THADA: variants seen among roughly 807,000 people sequenced by gnomAD.
THADA encodes the protein tRNA (32-2'-O)-methyltransferase regulator THADA.
In THADA, 213 loss-of-function variants were observed where a neutral mutation model predicts 219.8. The ratio of observed to expected loss-of-function variants is 0.97; its 90% confidence interval spans 0.87 to 1.09. The LOEUF (loss-of-function observed/expected upper bound fraction) is 1.09. Ranked by LOEUF, THADA falls within the 50% of genes least tolerant of loss-of-function variation. The pLI is 0.00. For missense variants in THADA, 2,956 were observed against 2,311.3 expected, an observed-to-expected ratio of 1.28 and a Z score of -5.72; for synonymous variants, 1,018 against 828.9, an observed-to-expected ratio of 1.23 and a Z score of -3.92.
intron 22 of THADA, among the ~76,000 whole-genome samples, chr2:43,525,790 C>T (rs374777136): frequency 2.0e-4 from 30 of 152,316 alleles, no homozygotes; most frequent in African/African-American, 6.3e-4. Context: ...TCTAAGCATA[C>T]ATCATGTGAG....
At chr2:43,295,615 T>G (rs187842917) in intron 31 of THADA, among the ~76,000 whole-genome samples, 41 of 152,360 alleles carry the variant, frequency 2.7e-4, no homozygotes, top group Non-Finnish European at 4.9e-4. Flanking sequence ...TACGCATTTA[T>G]AGCTAATAAA....
chr2:43,408,192 A>G (rs1210518735), intron 28 of THADA: 1 of 152,256 alleles, frequency 6.6e-6, no homozygotes, highest in Admixed American at 6.5e-5. Context: ...AGAACCCCAC[A>G]GCAGACTGCG....
chr2:43,542,818 C>A (rs925642360), intron 20 of THADA, among the ~76,000 whole-genome samples: 1 of 152,148 alleles, frequency 6.6e-6, no homozygotes, highest in Non-Finnish European at 1.5e-5. Flanking sequence ...AGCTTGTTCG[C>A]TGCACAACAG....
At chr2:43,546,210 T>G (rs1696011075) in intron 20 of THADA, among the ~76,000 whole-genome samples, 2 of 152,080 alleles carry the variant, frequency 1.3e-5, no homozygotes, top group Non-Finnish European at 2.9e-5. Flanking sequence ...TGAGTTCTAG[T>G]TTGATTGCAC....
intron 29 of THADA, among the ~76,000 whole-genome samples, chr2:43,355,197 G>C (rs1223996567): frequency 6.6e-6 from 1 of 152,172 alleles, no homozygotes; most frequent in Non-Finnish European, 1.5e-5. Context: ...TAATAAACAA[G>C]AGAGTGCAAA....
In THADA at chr2:43,321,953, C is replaced by T. The variant is rs189065649; in HGVS notation, c.4344-1413G>A. Among the ~76,000 whole-genome samples the T allele has an allele frequency of 1.7e-4, 26 of 152,314 alleles. No homozygotes were observed. In the East Asian group the frequency reaches 3.1e-3, roughly 18 times the overall value. Reference sequence around the variant, plus strand: ...CTCATTTCCTATAAACTAAGTTTTACAATTTCCTTAAAGTTTATTCACACC... The same window carrying T: ...CTCATTTCCTATAAACTAAGTTTTATAATTTCCTTAAAGTTTATTCACACC... On this transcript the variant is annotated intron_variant, in intron 30 of 37. Coordinates refer to ENST00000405975, the MANE Select transcript of THADA (RefSeq NM_022065.5).
chr2:43,310,677 G>A (rs1677402586), intron 31 of THADA, among the ~76,000 whole-genome samples: 1 of 152,086 alleles, frequency 6.6e-6, no homozygotes, highest in Non-Finnish European at 1.5e-5. Flanking sequence ...CTTTGGATTA[G>A]GCAATTATTT....
At chr2:43,444,635 C>T (rs1458939028) in intron 26 of THADA, among the ~76,000 whole-genome samples, 2 of 152,004 alleles carry the variant, frequency 1.3e-5, no homozygotes, top group Non-Finnish European at 2.9e-5. Flanking sequence ...TGAAAAGTTG[C>T]AATGCCAGAA....
At chr2:43,349,568 C>T (rs1668021323) in intron 29 of THADA, among the ~76,000 whole-genome samples, 1 of 152,114 alleles carries the variant, frequency 6.6e-6, no homozygotes. Context: ...ATGGGTTTTC[C>T]TCTTCACCAA....
intron 31 of THADA, among the ~76,000 whole-genome samples, chr2:43,312,576 C>T (rs1235023106): frequency 2.0e-5 from 3 of 152,158 alleles, no homozygotes; most frequent in African/African-American, 7.2e-5. Context: ...ATTATTCTGA[C>T]TTCTGAAAGA....
chr2:43,337,511 G>T (rs534731990), intron 30 of THADA, among the ~76,000 whole-genome samples: 31 of 152,280 alleles, frequency 2.0e-4, no homozygotes, highest in South Asian at 4.1e-4. Context: ...TTCCTCAACT[G>T]AATTTTTTAT....
At chr2:43,494,007 A>G (rs1424970943) in intron 25 of THADA, among the ~76,000 whole-genome samples, 1 of 152,060 alleles carries the variant, frequency 6.6e-6, no homozygotes, top group African/African-American at 2.4e-5. Flanking sequence ...ATTATTTCAA[A>G]CCTCAGGTCT....
intron 28 of THADA, among the ~76,000 whole-genome samples, chr2:43,398,698 G>A (rs1310864637): frequency 6.6e-6 from 1 of 152,190 alleles, no homozygotes; most frequent in Non-Finnish European, 1.5e-5. Context: ...ATTTCAACCA[G>A]GGGCAAAGTG....
At position 43,328,248 on chromosome 2, in the gene THADA, T is replaced by C. The variant is rs558603634; in HGVS notation, c.4344-7708A>G. On this transcript the variant is annotated intron_variant, in intron 30 of 37. Coordinates refer to ENST00000405975, the MANE Select transcript of THADA (RefSeq NM_022065.5). Reference sequence around the variant, plus strand: ...TATTTAAACAAGTCATTTCCCCCACTGTAACATGGAGAGTTTAGCTGTGCA... The same window carrying C: ...TATTTAAACAAGTCATTTCCCCCACCGTAACATGGAGAGTTTAGCTGTGCA... 2.0e-5 allele frequency among the ~76,000 whole-genome samples: 3 copies of C among 152,308 alleles called. No homozygotes were observed. The South Asian group carries it at 6.2e-4, about 32-fold the overall frequency.
chr2:43,330,176 G>A (rs1316755532), intron 30 of THADA, among the ~76,000 whole-genome samples: 3 of 152,210 alleles, frequency 2.0e-5, no homozygotes, highest in Admixed American at 6.5e-5. Flanking sequence ...TTCACCAAGT[G>A]CCTCTAGATG....
intron 23 of THADA, among the ~76,000 whole-genome samples, chr2:43,507,335 T>C (rs1271111418): frequency 6.6e-6 from 1 of 152,180 alleles, no homozygotes; most frequent in Non-Finnish European, 1.5e-5. Flanking sequence ...ATACTTAGTA[T>C]AAGTTGGGCA....
intron 29 of THADA, among the ~76,000 whole-genome samples, chr2:43,367,822 T>G (rs1430900008): frequency 6.6e-6 from 1 of 152,202 alleles, no homozygotes; most frequent in East Asian, 1.9e-4. Flanking sequence ...AGTTTAATTT[T>G]TAAAAACACT....
chr2:43,351,131 C>G (rs1249150536), intron 29 of THADA, among the ~76,000 whole-genome samples: 2 of 152,198 alleles, frequency 1.3e-5, no homozygotes, highest in African/African-American at 2.4e-5. Context: ...ACTGCCTGGT[C>G]TCTGCCTCCA....
At chr2:43,577,326 T>C in intron 9 of THADA, 84 bp from the exon 10 acceptor site, 1 of 1,092,180 alleles carries the variant, frequency 9.2e-7, no homozygotes, top group Non-Finnish European at 1.3e-6. Flanking sequence ...AAACATCTCT[T>C]TCCCCTGAAA....
Sources: allele counts gnomAD v4.1 joint callset (sites outside exome capture counted in the v4.1 genomes callset), GRCh38; gene constraint gnomAD v4.1.1; transcripts MANE v1.5; gene names NCBI Gene and HGNC (gene_info 2026-07-23, HGNC 2026-07-21).